MICU3: variants seen among roughly 807,000 people sequenced by gnomAD.
MICU3 encodes calcium uptake protein 3, mitochondrial.
MICU3 carries 62 observed loss-of-function variants against 66.5 expected under a neutral mutation model. The ratio of observed to expected loss-of-function variants is 0.93; its 90% CI spans 0.76 to 1.15. The LOEUF (loss-of-function observed/expected upper bound fraction) is 1.15, where lower values mean the gene tolerates loss of function less well. Ranked by LOEUF, MICU3 falls within the 50% of genes most tolerant of loss-of-function variation. MICU3 has a pLI of 0.00. For synonymous variants in MICU3, 308 were observed against 240.7 expected (o/e 1.28, Z -2.59); for missense variants, 779 against 664.4 (o/e 1.17, Z -1.90).
intron 13 of MICU3, among the ~76,000 whole-genome samples, chr8:17,117,898 C>T (rs1007346356): frequency 1.3e-5 from 2 of 152,108 alleles, no homozygotes; most frequent in African/African-American, 2.4e-5. Context: ...CATGAGCCAC[C>T]GTACCCGGCC....
the MICU3 span, among the ~76,000 whole-genome samples, chr8:17,138,583 C>T: frequency 2.6e-5 from 4 of 152,106 alleles, no homozygotes; most frequent in East Asian, 1.9e-4. Flanking sequence ...CGGTAATATA[C>T]GCACCATCGT....
chr8:17,070,739 G>C (rs539286020), intron 3 of MICU3, among the ~76,000 whole-genome samples: 1 of 152,012 alleles, frequency 6.6e-6, no homozygotes, highest in African/African-American at 2.4e-5. Flanking sequence ...ATGGTCATTT[G>C]TGAAACTTGA....
At chr8:17,039,641 G>A (rs1366429664) in intron 1 of MICU3, among the ~76,000 whole-genome samples, 2 of 152,038 alleles carry the variant, frequency 1.3e-5, no homozygotes, top group African/African-American at 4.8e-5. Flanking sequence ...TTTGGGGCTG[G>A]ACTATTTTAT....
intron 3 of MICU3, among the ~76,000 whole-genome samples, chr8:17,074,210 TG>T (rs1563334233): frequency 2.0e-5 from 3 of 152,238 alleles, no homozygotes; most frequent in African/African-American, 7.2e-5. Context: ...TTCTAGAGGC[TG>T]TTTGGTAATG....
At chr8:17,036,413 C>A (rs1354203375) in intron 1 of MICU3, among the ~76,000 whole-genome samples, 1 of 152,156 alleles carries the variant, frequency 6.6e-6, no homozygotes, top group Non-Finnish European at 1.5e-5. Flanking sequence ...GTTGCCAATG[C>A]TGGCTCGGGC....
chr8:17,132,960 C>T, the MICU3 span: 1 of 152,198 alleles, frequency 6.6e-6, no homozygotes, highest in Non-Finnish European at 1.5e-5. Context: ...GAACTGTTCA[C>T]CCCTTCCTCC....
intron 1 of MICU3, among the ~76,000 whole-genome samples, chr8:17,053,402 G>C (rs1056029398): frequency 1.3e-5 from 2 of 152,152 alleles, no homozygotes; most frequent in Non-Finnish European, 2.9e-5. Flanking sequence ...ACGTGAGCCT[G>C]TGCCTTGGCA....
At chr8:17,130,734 T>A in the MICU3 span, among the ~76,000 whole-genome samples, 1 of 151,854 alleles carries the variant, frequency 6.6e-6, no homozygotes, top group Non-Finnish European at 1.5e-5. Flanking sequence ...AATGCAGTAA[T>A]TTTTTTTAAA....
At chr8:17,129,102 C>T in the MICU3 span, among the ~76,000 whole-genome samples, 1 of 152,172 alleles carries the variant, frequency 6.6e-6, no homozygotes, top group Non-Finnish European at 1.5e-5. Flanking sequence ...AAAGTAAAGA[C>T]AACTCTTGAC....
intron 9 of MICU3, among the ~76,000 whole-genome samples, chr8:17,098,966 G>A (rs1801016600): frequency 6.6e-6 from 1 of 151,724 alleles, no homozygotes; most frequent in Non-Finnish European, 1.5e-5. Context: ...GGGTATGGGA[G>A]TTTGAGAAGG....
At chr8:17,094,406 T>C (rs1435922170) in intron 8 of MICU3, among the ~76,000 whole-genome samples, 1 of 151,926 alleles carries the variant, frequency 6.6e-6, no homozygotes, top group East Asian at 1.9e-4. Flanking sequence ...TTTAAAACAA[T>C]AATTTAAAAA....
intron 1 of MICU3, among the ~76,000 whole-genome samples, chr8:17,043,367 C>G (rs545507336): frequency 4.3e-4 from 65 of 152,298 alleles, no homozygotes; most frequent in African/African-American, 1.4e-3. Flanking sequence ...CCTCTTCCAA[C>G]TGCTTTAAAA....
chr8:17,081,387 G>T (rs1416120980), intron 4 of MICU3, among the ~76,000 whole-genome samples: 1 of 151,868 alleles, frequency 6.6e-6, no homozygotes, highest in Admixed American at 6.6e-5. Context: ...TTTATTTTGT[G>T]TTAAGAGTCG....
At chr8:17,080,502 T>C (rs1168833568) in intron 4 of MICU3, among the ~76,000 whole-genome samples, 1 of 152,168 alleles carries the variant, frequency 6.6e-6, no homozygotes, top group Non-Finnish European at 1.5e-5. Flanking sequence ...GGAGACAGCA[T>C]GCCCATTTCC....
chr8:17,134,192 C>T, the MICU3 span: 13 of 152,210 alleles, frequency 8.5e-5, no homozygotes, highest in South Asian at 4.1e-4. Flanking sequence ...TGTAAGAAAT[C>T]GGCACATGTG....
chr8:17,036,597 C>G (rs1170892921), intron 1 of MICU3, among the ~76,000 whole-genome samples: 3 of 152,150 alleles, frequency 2.0e-5, no homozygotes, highest in Non-Finnish European at 4.4e-5. Context: ...CACAGGTTCT[C>G]CAAGGCCCCA....
intron 1 of MICU3, among the ~76,000 whole-genome samples, chr8:17,045,312 G>C (rs572273173): frequency 6.6e-6 from 1 of 152,190 alleles, no homozygotes; most frequent in South Asian, 2.1e-4. Context: ...ACTCTAATCT[G>C]ATTGAAGATC....
chr8:17,028,912 C>T (rs1471706953), intron 1 of MICU3, among the ~76,000 whole-genome samples: 2 of 151,728 alleles, frequency 1.3e-5, no homozygotes, highest in South Asian at 2.1e-4. Context: ...GTAGGGAATT[C>T]AAGTAGTATT....
rs1003573896 is a variant in MICU3, at chr8:17,122,350, T to G, written c.*2063T>G. ...ATTGTTACTTATATCAATTTAAAATTTGCTAGTGGTTTGAAAATAATAATG... is the reference window on the plus strand; with the variant it reads ...ATTGTTACTTATATCAATTTAAAATGTGCTAGTGGTTTGAAAATAATAATG... On this transcript the variant is annotated 3_prime_UTR_variant, in exon 15 of 15. Transcript: ENST00000318063. 2 of 151,890 alleles carry G rather than the reference T, an allele frequency of 1.3e-5. No individual in the cohort carries two copies. The highest frequency in any genetic ancestry group is 4.8e-5 in the African/African-American group (2 of 41,456). 9.4% of individuals were successfully genotyped at this position (151,890 alleles called of 1,614,324 possible).
Sources: allele counts gnomAD v4.1 joint callset (sites outside exome capture counted in the v4.1 genomes callset), GRCh38; gene constraint gnomAD v4.1.1; transcripts MANE v1.5; gene names NCBI Gene and HGNC (gene_info 2026-07-23, HGNC 2026-07-21).